MTR: variants seen among roughly 807,000 people sequenced by gnomAD.
MTR encodes methionine synthase.
Under a neutral mutation model 154.8 loss-of-function variants are expected in MTR, and 84 were observed. The observed-to-expected ratio is 0.54, with a 90% CI of 0.45 to 0.65. The LOEUF is 0.65. Ranked by LOEUF, MTR falls within the 30% of genes least tolerant of loss-of-function variation. The pLI is 0.00. For missense variants in MTR, 1,275 were observed against 1,570.2 expected, an observed-to-expected ratio of 0.81 and a Z score of 3.18; for synonymous variants, 554 against 553.9, an observed-to-expected ratio of 1.00 and a Z score of 0.00.
intron 29 of MTR, among the ~76,000 whole-genome samples, chr1:236,893,650 T>C (rs758271973): frequency 2.2e-4 from 33 of 152,238 alleles, no homozygotes; most frequent in Non-Finnish European, 3.8e-4. Flanking sequence ...ATTTATTGAT[T>C]TTTTTAATAT....
rs996418752 is a variant in MTR, at chr1:236,891,415, C to T, written c.3204+86C>T. The T allele has an allele frequency of 5.7e-5, 74 of 1,304,818 alleles. 1 individual carries two copies. Among genetic ancestry groups the T allele is most frequent in the South Asian group, 1.8e-4 (15 of 83,152 alleles). The allele number at this position is 1,304,818 out of a possible 1,614,324, so 80.8% of individuals were successfully genotyped here. A position where few individuals can be genotyped will look rare whatever the true frequency, so the allele number is the denominator to read the frequency against. On this transcript the variant is annotated intron_variant, in intron 29 of 32. Transcript: ENST00000366577. ...AAAAGAGCTTTGCATAAATGAGGGT[C>T]TGCTTCACCTCCTCCCAAATGACCA...
intron 15 of MTR, among the ~76,000 whole-genome samples, chr1:236,842,043 C>A (rs971161689): frequency 6.6e-6 from 1 of 152,290 alleles, no homozygotes; most frequent in Middle Eastern, 3.4e-3. Context: ...AGGCACCCGC[C>A]ACCTTACTCG....
chr1:236,890,163 G>C (rs1212377336), intron 28 of MTR, among the ~76,000 whole-genome samples: 1 of 152,136 alleles, frequency 6.6e-6, no homozygotes, highest in Non-Finnish European at 1.5e-5. Flanking sequence ...GGCGTGCCTG[G>C]GTGTGCGTGT....
rs112752174 is a variant in MTR at position 236,900,228 on chromosome 1, C to T, written c.*2584C>T. ...TATATTCATTCTACGGGATATTATT[C>T]AGTAGTGGAAATGAGTGAACTACAG... is the stretch of plus-strand genomic sequence containing the variant. On this transcript the variant is annotated 3_prime_UTR_variant, in exon 33 of 33. Coordinates refer to ENST00000366577, the MANE Select transcript of MTR (RefSeq NM_000254.3). 569 of 326,770 alleles carry T rather than the reference C, an allele frequency of 1.7e-3. 4 individuals are homozygous for T. The highest frequency in any genetic ancestry group is 0.011 in the African/African-American group (513 of 46,460). 20.2% of individuals were successfully genotyped at this position (326,770 alleles called of 1,614,324 possible). A position where few individuals can be genotyped will look rare whatever the true frequency, so the allele number is the denominator to read the frequency against.
At chr1:236,824,311 T>C (rs530259155) in intron 9 of MTR, 92 bp downstream of exon 9, 1 of 1,121,160 alleles carries the variant, frequency 8.9e-7, no homozygotes, top group Non-Finnish European at 1.4e-6. Context: ...AAAGATCTTG[T>C]TTTGCCGGTG....
intron 1 of MTR, among the ~76,000 whole-genome samples, chr1:236,798,821 C>G (rs1340374854): frequency 6.6e-6 from 1 of 152,134 alleles, no homozygotes; most frequent in Non-Finnish European, 1.5e-5. Context: ...TTTTGTTGTT[C>G]TTCATGGAAG....
intron 2 of MTR, 146 bp downstream of exon 2, chr1:236,803,788 T>TA (rs933453389): frequency 1.2e-6 from 1 of 849,264 alleles, no homozygotes; most frequent in Non-Finnish European, 1.9e-6. Flanking sequence ...GGACATCAAA[T>TA]AAAAGTTATG....
chr1:236,820,143 G>C, intron 8 of MTR: 1 of 765,282 alleles, frequency 1.3e-6, no homozygotes, highest in South Asian at 1.3e-5. Flanking sequence ...GAGCTCACTC[G>C]GTGGGTTTGA....
At chr1:236,844,076 C>G (rs889761162) in intron 15 of MTR, among the ~76,000 whole-genome samples, 3 of 152,086 alleles carry the variant, frequency 2.0e-5, no homozygotes, top group Admixed American at 1.3e-4. Flanking sequence ...GCTTAGGGCA[C>G]TGGGGAGAAG....
rs1209937341 is a variant in MTR, at chr1:236,812,801, A to G, written c.566A>G (p.Asp189Gly). 1 of 1,613,988 alleles carries G rather than the reference A, an allele frequency of 6.2e-7. No individual in the cohort carries two copies. Among genetic ancestry groups the G allele is most frequent in the Non-Finnish European group, 8.5e-7 (1 of 1,179,984 alleles). ...AAAGGACTTCTGGATGGCGGGGTTGATATCTTACTCATTGAAACTATTTTT... is the reference window on the plus strand; with the variant it reads ...AAAGGACTTCTGGATGGCGGGGTTGGTATCTTACTCATTGAAACTATTTTT... ...QAKGLLDGGVDILLIETIFDT... is the reference protein window; with the variant it reads ...QAKGLLDGGVGILLIETIFDT... Residue 189 changes from aspartate to glycine, a missense_variant, in exon 6 of 33, where the codon GAT (aspartate) becomes GGT (glycine). Asp to Gly is a moderately conservative substitution (Grantham distance 94). Transcript: ENST00000366577.
chr1:236,870,030 T>G (rs1665037309), intron 22 of MTR, among the ~76,000 whole-genome samples: 1 of 152,166 alleles, frequency 6.6e-6, no homozygotes, highest in Non-Finnish European at 1.5e-5. Context: ...TGCCAACAGT[T>G]TCTCAACTCA....
chr1:236,838,292 A>T, intron 14 of MTR, 122 bp from the exon 15 acceptor site: 1 of 977,668 alleles, frequency 1.0e-6, no homozygotes, highest in Non-Finnish European at 1.6e-6. Context: ...TATCTCTGAC[A>T]TACTACTATT....
At chr1:236,851,156 C>T (rs1250408594) in intron 16 of MTR, among the ~76,000 whole-genome samples, 1 of 152,216 alleles carries the variant, frequency 6.6e-6, no homozygotes. Flanking sequence ...GTCACTTCTG[C>T]AGTTGTTCAG....
chr1:236,846,475 T>C lies in MTR; in HGVS notation c.1516-3869T>C, dbSNP rs555969068. Among the ~76,000 whole-genome samples, 14 of 152,350 alleles carry C rather than the reference T, an allele frequency of 9.2e-5. No individual in the cohort carries two copies. In the East Asian group the frequency reaches 2.7e-3, roughly 29 times the overall value. On this transcript the variant is annotated intron_variant, in intron 15 of 32. Transcript: ENST00000366577. ...TATGCAACACATTTTCCTGTTTTTT[T>C]CATTTTCTTGTTTTAAAATGATTTG... is the stretch of plus-strand genomic sequence containing the variant.
chr1:236,865,264 G>T (rs3768142), intron 22 of MTR, among the ~76,000 whole-genome samples: 97,769 of 152,140 alleles, frequency 0.64, 31,671 homozygotes, highest in South Asian at 0.7. Flanking sequence ...CTGATGAAAC[G>T]TTACTTTCAT....
intron 4 of MTR, among the ~76,000 whole-genome samples, chr1:236,809,317 A>G (rs955931064): frequency 1.3e-5 from 2 of 152,228 alleles, no homozygotes; most frequent in Admixed American, 6.5e-5. Flanking sequence ...GGACTTGAAA[A>G]GTGGCTCCTG....
chr1:236,854,363 T>C lies in MTR; in HGVS notation c.1953+1275T>C, dbSNP rs150714147. Among the ~76,000 whole-genome samples the C allele has an allele frequency of 4.5e-3, 686 of 152,340 alleles. 5 individuals carry two copies. Among genetic ancestry groups the C allele is most frequent in the Middle Eastern group, 0.02 (6 of 294 alleles). ...ACCCAGGACAGAATGTTTCATTTGGTTGTGGCAGATACAATCAAGTTCTAC... is the reference window on the plus strand; with the variant it reads ...ACCCAGGACAGAATGTTTCATTTGGCTGTGGCAGATACAATCAAGTTCTAC... On this transcript the variant is annotated intron_variant, in intron 18 of 32. Coordinates refer to ENST00000366577, the MANE Select transcript of MTR (RefSeq NM_000254.3).
intron 1 of MTR, 95 bp downstream of exon 1, chr1:236,795,832 G>A (rs1445323092): frequency 1.3e-6 from 2 of 1,584,272 alleles, no homozygotes; most frequent in Non-Finnish European, 1.7e-6. Flanking sequence ...TGCGGCGGGA[G>A]ACGCCCGGCG....
chr1:236,893,880 C>T (rs148291977), intron 29 of MTR, among the ~76,000 whole-genome samples: 10 of 152,264 alleles, frequency 6.6e-5, no homozygotes, highest in Admixed American at 2.6e-4. Flanking sequence ...GCCTGGGCAT[C>T]GCTGACCCCA....
Sources: gnomAD v4.1 joint callset for allele counts (sites outside exome capture counted in the v4.1 genomes callset) on GRCh38, gnomAD v4.1.1 for gene constraint, MANE v1.5 for transcripts, NCBI Gene and HGNC (gene_info 2026-07-23, HGNC 2026-07-21) for gene names.